The following RXFP1 variants were observed in gnomAD, a reference collection of about 807,000 sequenced individuals.
The protein encoded by RXFP1 is relaxin receptor 1.
RXFP1 carries 73 observed loss-of-function variants against 89.8 expected under a neutral mutation model. The observed-to-expected ratio is 0.81, with a 90% confidence interval of 0.67 to 0.99. The LOEUF (loss-of-function observed/expected upper bound fraction) is 0.99, where lower values mean the gene tolerates loss of function less well. RXFP1 is among the 50% of genes least tolerant of loss of function. RXFP1 has a pLI of 0.00. For missense variants in RXFP1, 793 were observed against 895.5 expected (o/e 0.89, Z 1.46); for synonymous variants, 277 against 305.5 (o/e 0.91, Z 0.97).
At chr4:158,610,109 C>T (rs1478703241) in intron 6 of RXFP1, among the ~76,000 whole-genome samples, 1 of 151,940 alleles carries the variant, frequency 6.6e-6, no homozygotes, top group Non-Finnish European at 1.5e-5. Flanking sequence ...ACTAAAAATA[C>T]AAAAAATTAG....
intron 1 of RXFP1, among the ~76,000 whole-genome samples, chr4:158,556,224 CAAAAAAAA>C (rs11337872): frequency 7.5e-6 from 1 of 132,480 alleles, no homozygotes; most frequent in Non-Finnish European, 1.6e-5. Flanking sequence ...AACTTAACAG[CAAAAAAAA>C]AAAAAAAAAT....
chr4:158,521,836 G>C (rs929686746), upstream of RXFP1: 3 of 568,388 alleles, frequency 5.3e-6, no homozygotes, highest in African/African-American at 3.9e-5. Flanking sequence ...AAGGAAATGG[G>C]AGTGGAAGGA....
chr4:158,552,932 C>T (rs1443331786), intron 1 of RXFP1, among the ~76,000 whole-genome samples: 5 of 152,302 alleles, frequency 3.3e-5, no homozygotes, highest in Non-Finnish European at 7.4e-5. Flanking sequence ...CATCTGTATT[C>T]CCAGCACACT....
At chr4:158,574,061 G>A (rs533567904) in intron 2 of RXFP1, among the ~76,000 whole-genome samples, 1 of 152,200 alleles carries the variant, frequency 6.6e-6, no homozygotes, top group African/African-American at 2.4e-5. Context: ...ATAGCTTTCA[G>A]TTAGAATTTT....
intron 9 of RXFP1, among the ~76,000 whole-genome samples, chr4:158,623,290 G>A (rs2150169701): frequency 6.6e-6 from 1 of 150,782 alleles, no homozygotes; most frequent in East Asian, 1.9e-4. Context: ...CCTGAGGTCA[G>A]GAGTTTGAGA....
At chr4:158,572,625 G>A (rs1402464740) in intron 1 of RXFP1, 73 bp from the exon 2 acceptor site, 2 of 1,295,326 alleles carry the variant, frequency 1.5e-6, no homozygotes, top group African/African-American at 2.9e-5. Context: ...TAAAATATCA[G>A]GGAGAAACTG....
At chr4:158,542,109 A>ATATATATATATATATTTTTT in intron 1 of RXFP1, among the ~76,000 whole-genome samples, 538 of 34,978 alleles carry the variant, frequency 0.015, 31 homozygotes, top group Admixed American at 0.022. Context: ...ATATATATAT[A>ATATATATATATATATTTTTT]TTTTTTTTTT....
chr4:158,614,106 G>A (rs1764069025), intron 8 of RXFP1, among the ~76,000 whole-genome samples: 1 of 152,072 alleles, frequency 6.6e-6, no homozygotes, highest in Admixed American at 6.5e-5. Flanking sequence ...GGCTTAAAAT[G>A]TTTAGTAAAC....
intron 1 of RXFP1, among the ~76,000 whole-genome samples, chr4:158,523,837 C>A (rs1741781423): frequency 6.6e-6 from 1 of 152,212 alleles, no homozygotes; most frequent in African/African-American, 2.4e-5. Flanking sequence ...TCAACAGCCA[C>A]ACATAAGGAC....
intron 9 of RXFP1, 69 bp downstream of exon 9, chr4:158,617,274 A>T (rs573230162): frequency 8.7e-7 from 1 of 1,151,568 alleles, no homozygotes; most frequent in African/African-American, 1.6e-5. Context: ...CATTCCAGAT[A>T]TAAGATTGTT....
intron 1 of RXFP1, among the ~76,000 whole-genome samples, chr4:158,544,595 C>A (rs1272901047): frequency 6.6e-6 from 1 of 151,966 alleles, no homozygotes; most frequent in Admixed American, 6.6e-5. Context: ...CTATCCCTCC[C>A]CCTACCCCTA....
At chr4:158,552,809 A>T (rs994748690) in intron 1 of RXFP1, among the ~76,000 whole-genome samples, 3 of 152,230 alleles carry the variant, frequency 2.0e-5, no homozygotes, top group African/African-American at 7.2e-5. Context: ...ATTGTTCAAT[A>T]TGGGAACCCC....
Position 158,572,349 on chromosome 4 carries a change from A to C in RXFP1, c.50-349A>C, listed in dbSNP as rs56075464. Among the ~76,000 whole-genome samples the C allele has an allele frequency of 5.0e-3, 758 of 152,352 alleles. 5 individuals carry two copies. Among genetic ancestry groups the C allele is most frequent in the Non-Finnish European group, 9.0e-3 (615 of 68,034 alleles). Reference sequence around the variant, plus strand: ...GATTCTGAGCCCATAGTAAGAATACAACAAATTCCTGTTTTTAAAATTATT... The same window carrying C: ...GATTCTGAGCCCATAGTAAGAATACCACAAATTCCTGTTTTTAAAATTATT... On this transcript the variant is annotated intron_variant, in intron 1 of 17. Transcript: ENST00000307765.
chr4:158,643,775 T>G (rs189967018), intron 14 of RXFP1, among the ~76,000 whole-genome samples: 1 of 151,996 alleles, frequency 6.6e-6, no homozygotes, highest in African/African-American at 2.4e-5. Context: ...CCAGCCCACA[T>G]GCTAGTTCTA....
At chr4:158,543,903 G>T in intron 1 of RXFP1, 3 of 985,366 alleles carry the variant, frequency 3.0e-6, no homozygotes, top group Non-Finnish European at 3.6e-6. Flanking sequence ...CAAGAATAAA[G>T]CAAAACTCTA....
chr4:158,645,817 G>A (rs1274618024), intron 15 of RXFP1, among the ~76,000 whole-genome samples: 3 of 151,832 alleles, frequency 2.0e-5, no homozygotes, highest in Non-Finnish European at 4.4e-5. Flanking sequence ...TATGTGTGCT[G>A]CCCCCATGTG....
chr4:158,553,539 G>A (rs921162115), intron 1 of RXFP1, among the ~76,000 whole-genome samples: 1 of 152,132 alleles, frequency 6.6e-6, no homozygotes. Flanking sequence ...GAGACAGGAG[G>A]GTGACCCGTG....
intron 17 of RXFP1, among the ~76,000 whole-genome samples, chr4:158,649,581 C>A (rs746219910): frequency 6.6e-6 from 1 of 151,282 alleles, no homozygotes; most frequent in Non-Finnish European, 1.5e-5. Context: ...ACTGCACTCC[C>A]GTCTGGGTGA....
At position 158,633,549 on chromosome 4, in the gene RXFP1, A is replaced by G. The variant is rs1768530035; in HGVS notation, c.971+73A>G. On this transcript the variant is annotated intron_variant, in intron 12 of 17. Transcript: ENST00000307765. ...TTTTAAATTGTAAAATATGCATAAC[A>G]TAAAATTAGCCATTTTTAAGTGTGT... 9 of 958,658 alleles carry G rather than the reference A, an allele frequency of 9.4e-6. No individual in the cohort carries two copies. The East Asian group carries it at 2.2e-4, about 23-fold the overall frequency. 59.4% of individuals were successfully genotyped at this position (958,658 alleles called of 1,614,324 possible). A position where few individuals can be genotyped will look rare whatever the true frequency, so the allele number is the denominator to read the frequency against.
Sources: gnomAD v4.1 joint callset for allele counts (sites outside exome capture counted in the v4.1 genomes callset) on GRCh38, gnomAD v4.1.1 for gene constraint, MANE v1.5 for transcripts, NCBI Gene and HGNC (gene_info 2026-07-23, HGNC 2026-07-21) for gene names.